Variants in AGBL2 observed in about 807,000 individuals in gnomAD.
The protein encoded by AGBL2 is cytosolic carboxypeptidase 2.
A neutral mutation model predicts 103.0 loss-of-function variants in AGBL2; 87 were observed. The observed-to-expected ratio is 0.84, with a 90% confidence interval of 0.71 to 1.01. AGBL2 has a LOEUF of 1.01. Ranked by LOEUF, AGBL2 falls within the 50% of genes least tolerant of loss-of-function variation. AGBL2 has a pLI of 0.00. For missense variants in AGBL2, 904 were observed against 1,023.5 expected (o/e 0.88, Z 1.59); for synonymous variants, 335 against 356.7 (o/e 0.94, Z 0.69).
rs1325419407 is a variant in AGBL2, at chr11:47,706,890, CCAAAAAAAAAAAAA to C, written c.233-987_233-974del. The stretch of plus-strand genomic sequence containing the variant: ...ATGGTGAAACCCTGTCTCTACTATT[CCAAAAAAAAAAAAA>C]AAAAAAAAAGAATTAGCCGGGCCTG... On this transcript the variant is annotated intron_variant, in intron 4 of 18. Coordinates refer to ENST00000525123, the MANE Select transcript of AGBL2 (RefSeq NM_024783.4). 2.8e-4 allele frequency among the ~76,000 whole-genome samples: 15 copies of C among 53,232 alleles called. No individual in the cohort carries two copies. The East Asian group carries it at 7.5e-3, about 27-fold the overall frequency. The allele number at this position is 53,232 out of a possible 152,430, so 34.9% of individuals were successfully genotyped here.
intron 12 of AGBL2, among the ~76,000 whole-genome samples, chr11:47,681,461 T>TTTTG (rs577319105): frequency 2.2e-3 from 328 of 152,186 alleles, no homozygotes; most frequent in South Asian, 5.4e-3. Context: ...ATTCCAGGTT[T>TTTTG]TTTGTTTGTT....
intron 13 of AGBL2, among the ~76,000 whole-genome samples, chr11:47,679,075 A>G (rs1415537844): frequency 1.8e-4 from 27 of 148,364 alleles, no homozygotes; most frequent in East Asian, 1.4e-3. Context: ...AAAAAAAAAA[A>G]AAAAAAAAAA....
chr11:47,704,766 T>C, intron 6 of AGBL2, 38 bp from the exon 7 acceptor site: 1 of 1,574,300 alleles, frequency 6.4e-7, no homozygotes, highest in Non-Finnish European at 8.7e-7. Flanking sequence ...CATCTTCCTT[T>C]TCCTCCTTGG....
chr11:47,667,768 A>G, intron 15 of AGBL2, 72 bp from the exon 16 acceptor site: 1 of 1,521,418 alleles, frequency 6.6e-7, no homozygotes, highest in Non-Finnish European at 8.9e-7. Flanking sequence ...GGCACTCTTC[A>G]TGCAACACTC....
chr11:47,679,831 AG>A, intron 13 of AGBL2, 141 bp downstream of exon 13: 1 of 482,968 alleles, frequency 2.1e-6, no homozygotes, highest in Non-Finnish European at 3.8e-6. Flanking sequence ...TAGTAGAGAG[AG>A]GGTTTTGCCA....
intron 7 of AGBL2, among the ~76,000 whole-genome samples, chr11:47,700,043 C>T (rs773589293): frequency 6.6e-6 from 1 of 151,946 alleles, no homozygotes; most frequent in African/African-American, 2.4e-5. Context: ...CCGCAACCTC[C>T]GCCTCCCGGG....
chr11:47,705,626 A>C lies in AGBL2; in HGVS notation c.295T>G (p.Ser99Ala). 7.6e-6 allele frequency: 4 copies of C among 525,734 alleles called. No homozygotes were observed. The highest frequency in any genetic ancestry group is 1.3e-5 in the Non-Finnish European group (4 of 298,252). The allele number at this position is 525,734 out of a possible 1,614,324, so 32.6% of individuals were successfully genotyped here. Residue 99 changes from serine to alanine, a missense_variant, in exon 6 of 19, where the codon TCT becomes GCT. Physicochemically the swap from Ser to Ala is moderately conservative, Grantham distance 99 (BLOSUM62 1). Transcript: ENST00000525123. ...CGCCACTGCATCCAGCCCAGGCAAG[A>C]GTGAAAGTCTGTGTCAAAAAAAAAA... ...QIEAINRDFHSCLGWMQWRGL... is the reference protein window; with the variant it reads ...QIEAINRDFHACLGWMQWRGL...
intron 7 of AGBL2, among the ~76,000 whole-genome samples, chr11:47,702,979 A>C (rs1026409788): frequency 6.6e-6 from 1 of 152,338 alleles, no homozygotes; most frequent in Admixed American, 6.5e-5. Flanking sequence ...CCCACTTTCT[A>C]ATGCAACCCA....
intron 13 of AGBL2, among the ~76,000 whole-genome samples, chr11:47,679,058 C>CAAAAAAAAAAAAA (rs56307962): frequency 1.1e-4 from 3 of 28,194 alleles, no homozygotes; most frequent in African/African-American, 2.3e-4. Flanking sequence ...GACCCTGTCT[C>CAAAAAAAAAAAAA]AAAAAAAAAA....
At chr11:47,677,610 CA>C (rs2097380710) in intron 13 of AGBL2, among the ~76,000 whole-genome samples, 1 of 151,946 alleles carries the variant, frequency 6.6e-6, no homozygotes, top group African/African-American at 2.4e-5. Flanking sequence ...TGCCCCACCA[CA>C]CTCAGCTAAT....
In AGBL2 at chr11:47,660,090, C is replaced by A; in HGVS notation, c.*83G>T. On this transcript the variant is annotated 3_prime_UTR_variant, in exon 19 of 19. Coordinates refer to ENST00000525123, the MANE Select transcript of AGBL2 (RefSeq NM_024783.4). ...GTATACCACAAGTAAATGCAGTTCC[C>A]AGTCATACATCTCCCCCATTATAAA... 4.2e-6 allele frequency: 6 copies of A among 1,436,904 alleles called. No individual in the cohort carries two copies. Among genetic ancestry groups the A allele is most frequent in the Non-Finnish European group, 5.7e-6 (6 of 1,053,988 alleles). 89.0% of individuals were successfully genotyped at this position (1,436,904 alleles called of 1,614,324 possible). A position where few individuals can be genotyped will look rare whatever the true frequency, so the allele number is the denominator to read the frequency against.
rs549540055 is a variant in AGBL2, at chr11:47,669,901, G to A, written c.2148-994C>T. 2.6e-5 allele frequency among the ~76,000 whole-genome samples: 4 copies of A among 152,214 alleles called. No homozygotes were observed. The East Asian group carries it at 5.8e-4, about 22-fold the overall frequency. ...GCTGGGATAACAGGCGTGAGCCACT[G>A]TACCCGGTACCCAAAAAAGAATTCT... On this transcript the variant is annotated intron_variant, in intron 14 of 18. Transcript: ENST00000525123.
chr11:47,668,722 G>A (rs1287549591), intron 15 of AGBL2, 119 bp downstream of exon 15: 3 of 738,222 alleles, frequency 4.1e-6, no homozygotes, highest in African/African-American at 1.7e-5. Flanking sequence ...GACTAGTTAG[G>A]ACATTACTGT....
intron 8 of AGBL2, among the ~76,000 whole-genome samples, chr11:47,694,839 T>C (rs2097461053): frequency 6.6e-6 from 1 of 152,060 alleles, no homozygotes; most frequent in Admixed American, 6.6e-5. Context: ...TGGGGAATAG[T>C]AAGTGGGCAA....
intron 10 of AGBL2, 146 bp from the exon 11 acceptor site, chr11:47,686,195 A>G (rs897609507): frequency 2.0e-5 from 15 of 752,032 alleles, no homozygotes; most frequent in Admixed American, 3.0e-5. Context: ...AATGGACCCT[A>G]TCTCCATTCT....
rs771111666 is a variant in AGBL2 at position 47,704,684 on chromosome 11, G to A, written c.445C>T (p.Leu149Phe). The stretch of plus-strand genomic sequence containing the variant: ...TTTACTTCATCCAACTCATCATAAA[G>A]AAGCTGTCTGCTCCTAAGATGTGGT... Reference protein sequence around the residue: ...SLPHLRSRQLLYDELDEVNPR... With the variant: ...SLPHLRSRQLFYDELDEVNPR... Residue 149 changes from leucine (L) to phenylalanine (F), a missense_variant, in exon 7 of 19, where the codon CTT (leucine) becomes TTT (phenylalanine). By Grantham distance (22) the Leu-to-Phe change is conservative. Transcript: ENST00000525123. The A allele has an allele frequency of 5.6e-6, 9 of 1,614,118 alleles. No individual in the cohort carries two copies. Among genetic ancestry groups the A allele is most frequent in the Admixed American group, 5.0e-5 (3 of 59,996 alleles).
At chr11:47,670,800 C>T (rs1046111302) in intron 14 of AGBL2, among the ~76,000 whole-genome samples, 16 of 151,774 alleles carry the variant, frequency 1.1e-4, no homozygotes, top group African/African-American at 3.9e-4. Context: ...TTGAGACCAG[C>T]CTGGGCAACA....
At chr11:47,664,987 T>C (rs1385187152) in intron 17 of AGBL2, among the ~76,000 whole-genome samples, 1 of 150,766 alleles carries the variant, frequency 6.6e-6, no homozygotes, top group Non-Finnish European at 1.5e-5. Context: ...GCTCAAGCAA[T>C]CCTCCTACCT....
intron 14 of AGBL2, among the ~76,000 whole-genome samples, chr11:47,670,330 T>C (rs1309984678): frequency 1.3e-5 from 2 of 152,112 alleles, no homozygotes; most frequent in Non-Finnish European, 2.9e-5. Context: ...AAATGTTTTT[T>C]TTAAAATTAG....
Sources: gnomAD v4.1 joint callset for allele counts (sites outside exome capture counted in the v4.1 genomes callset) on GRCh38, gnomAD v4.1.1 for gene constraint, MANE v1.5 for transcripts, NCBI Gene and HGNC (gene_info 2026-07-23, HGNC 2026-07-21) for gene names.